Variants in AVL9 observed in about 807,000 individuals in gnomAD.
The protein encoded by AVL9 is AVL9 cell migration associated, also known as late secretory pathway protein AVL9 homolog.
Under a neutral mutation model 79.2 loss-of-function variants are expected in AVL9, and 49 were observed. The ratio of observed to expected loss-of-function variants is 0.62; its 90% CI spans 0.49 to 0.79. The LOEUF (loss-of-function observed/expected upper bound fraction) is 0.79, where lower values mean the gene tolerates loss of function less well. Among genes scored for constraint, AVL9 ranks in the 30% least tolerant of loss-of-function variants. The probability of loss-of-function intolerance (pLI) is 0.00; values close to 1 mark genes in which losing one functional copy is unlikely to be tolerated. For synonymous variants in AVL9, 299 were observed against 280.6 expected (o/e 1.07, Z -0.65); for missense variants, 682 against 776.8 (o/e 0.88, Z 1.45).
At chr7:32,528,123 A>G (rs1183899733) in intron 1 of AVL9, among the ~76,000 whole-genome samples, 2 of 152,012 alleles carry the variant, frequency 1.3e-5, no homozygotes, top group East Asian at 1.9e-4. Flanking sequence ...TGTCTGAACC[A>G]TTTCCAATCA....
intron 1 of AVL9, among the ~76,000 whole-genome samples, chr7:32,520,780 C>T (rs914578783): frequency 6.6e-6 from 1 of 152,112 alleles, no homozygotes; most frequent in Non-Finnish European, 1.5e-5. Context: ...TTTGCTGTCC[C>T]TCATGGGTGT....
chr7:32,576,083 C>T lies in AVL9; in HGVS notation c.1688+11C>T. 1.3e-6 allele frequency: 2 copies of T among 1,572,868 alleles called. No individual in the cohort carries two copies. Among genetic ancestry groups the T allele is most frequent in the Non-Finnish European group, 1.8e-6 (2 of 1,142,640 alleles). On this transcript the variant is annotated intron_variant, in intron 13 of 15. Transcript: ENST00000318709. Reference sequence around the variant, plus strand: ...AGAAATAAATCCAAAGTAAGCGCGTCCTCTGAAGATTGATAGTACATAAAT... The same window carrying T: ...AGAAATAAATCCAAAGTAAGCGCGTTCTCTGAAGATTGATAGTACATAAAT...
At chr7:32,559,846 A>AT (rs2128142375) in intron 10 of AVL9, 1 of 161,888 alleles carries the variant, frequency 6.2e-6, no homozygotes, top group African/African-American at 2.4e-5. Context: ...GAACACTGTG[A>AT]TAAAGCGAGT....
chr7:32,502,955 A>G (rs1313774345), intron 1 of AVL9, among the ~76,000 whole-genome samples: 1 of 152,206 alleles, frequency 6.6e-6, no homozygotes, highest in East Asian at 1.9e-4. Flanking sequence ...CTTTTCTTCC[A>G]TTGATTGGGA....
chr7:32,581,815 G>A (rs1281017947), intron 15 of AVL9, among the ~76,000 whole-genome samples: 1 of 152,180 alleles, frequency 6.6e-6, no homozygotes, highest in Admixed American at 6.5e-5. Flanking sequence ...GAGTCTTAAA[G>A]AAAGAAAGAA....
chr7:32,528,468 A>G (rs186252265), intron 1 of AVL9, among the ~76,000 whole-genome samples: 18 of 152,286 alleles, frequency 1.2e-4, no homozygotes, highest in Middle Eastern at 3.4e-3. Context: ...TTTGCTCAGT[A>G]ACAATTCTGG....
At position 32,580,997 on chromosome 7, in the gene AVL9, A is replaced by G. The variant is rs1791476900; in HGVS notation, c.1831+107A>G. On this transcript the variant is annotated intron_variant, in intron 15 of 15. Coordinates refer to ENST00000318709, the MANE Select transcript of AVL9 (RefSeq NM_015060.3). ...ACATAAAGTTGTAAAGATCTGTGTT[A>G]TCACATAGTAATACAAGAGTTTTTT... 3.4e-6 allele frequency: 3 copies of G among 892,342 alleles called. No homozygotes were observed. In the South Asian group the frequency reaches 5.0e-5, roughly 15 times the overall value. 55.3% of individuals were successfully genotyped at this position (892,342 alleles called of 1,614,324 possible). A position where few individuals can be genotyped will look rare whatever the true frequency, so the allele number is the denominator to read the frequency against.
At chr7:32,577,257 C>T (rs571997994) in intron 13 of AVL9, among the ~76,000 whole-genome samples, 2 of 152,258 alleles carry the variant, frequency 1.3e-5, no homozygotes, top group Admixed American at 1.3e-4. Flanking sequence ...ATTACTTGAA[C>T]CCACGGTTTC....
intron 8 of AVL9, among the ~76,000 whole-genome samples, chr7:32,556,359 C>G (rs960064411): frequency 1.3e-5 from 2 of 151,910 alleles, no homozygotes; most frequent in African/African-American, 4.8e-5. Flanking sequence ...ACTAAAAATA[C>G]AAAAATTAGC....
chr7:32,515,995 G>A (rs1170710261), intron 1 of AVL9, among the ~76,000 whole-genome samples: 3 of 152,088 alleles, frequency 2.0e-5, no homozygotes, highest in East Asian at 1.9e-4. Context: ...TACTCAGTAC[G>A]AAGAAAAATC....
intron 4 of AVL9, among the ~76,000 whole-genome samples, chr7:32,550,394 C>G (rs929813668): frequency 6.6e-6 from 1 of 152,136 alleles, no homozygotes; most frequent in Non-Finnish European, 1.5e-5. Flanking sequence ...TTTTATCTGT[C>G]TCTAAAGCAG....
chr7:32,555,038 C>T (rs1013130472), intron 8 of AVL9, among the ~76,000 whole-genome samples: 1 of 152,124 alleles, frequency 6.6e-6, no homozygotes, highest in Non-Finnish European at 1.5e-5. Context: ...TCCTCCTAAA[C>T]AATCTAATAA....
At chr7:32,523,113 G>A (rs1182715808) in intron 1 of AVL9, among the ~76,000 whole-genome samples, 2 of 146,082 alleles carry the variant, frequency 1.4e-5, no homozygotes, top group African/African-American at 5.1e-5. Context: ...TCCCTCATGG[G>A]TCTATAGATG....
intron 4 of AVL9, among the ~76,000 whole-genome samples, chr7:32,550,156 C>T (rs1789746140): frequency 6.6e-6 from 1 of 152,098 alleles, no homozygotes; most frequent in East Asian, 1.9e-4. Context: ...AATCATTCTT[C>T]AAAGGACGAT....
chr7:32,507,039 G>A (rs1400112143), intron 1 of AVL9, among the ~76,000 whole-genome samples: 1 of 152,012 alleles, frequency 6.6e-6, no homozygotes, highest in Non-Finnish European at 1.5e-5. Flanking sequence ...GTTTGTCACA[G>A]GTTGGTTTCA....
At chr7:32,529,286 A>G (rs1203597435) in intron 1 of AVL9, among the ~76,000 whole-genome samples, 1 of 152,188 alleles carries the variant, frequency 6.6e-6, no homozygotes. Flanking sequence ...TTTAAAAGTT[A>G]CCTATGGGGT....
intron 7 of AVL9, 92 bp downstream of exon 7, chr7:32,553,859 G>A (rs1789949276): frequency 2.3e-6 from 2 of 863,162 alleles, no homozygotes; most frequent in African/African-American, 1.7e-5. Flanking sequence ...CAAATTCAGT[G>A]TGCTAAATTG....
intron 1 of AVL9, among the ~76,000 whole-genome samples, chr7:32,527,168 G>T (rs138767228): frequency 6.6e-6 from 1 of 152,206 alleles, no homozygotes; most frequent in East Asian, 1.9e-4. Flanking sequence ...TAAAACAAGG[G>T]ACTTTGCCTC....
chr7:32,517,553 C>T (rs1239781843), intron 1 of AVL9, among the ~76,000 whole-genome samples: 1 of 152,026 alleles, frequency 6.6e-6, no homozygotes, highest in Non-Finnish European at 1.5e-5. Flanking sequence ...ATCCACCCAC[C>T]TCGGCCTCCC....
Sources: gnomAD v4.1 joint callset for allele counts (sites outside exome capture counted in the v4.1 genomes callset) on GRCh38, gnomAD v4.1.1 for gene constraint, MANE v1.5 for transcripts, NCBI Gene and HGNC (gene_info 2026-07-23, HGNC 2026-07-21) for gene names.